The following OR56A3 variants were observed in gnomAD, a reference collection of about 807,000 sequenced individuals.
The protein encoded by OR56A3 is olfactory receptor 56A3.
OR56A3 carries 23 observed loss-of-function variants against 17.5 expected under a neutral mutation model. The ratio of observed to expected loss-of-function variants is 1.32; its 90% CI spans 0.95 to 1.87. The LOEUF (loss-of-function observed/expected upper bound fraction) is 1.87. OR56A3 is among the 40% of genes most tolerant of loss of function. The pLI, the probability that OR56A3 is intolerant of heterozygous loss-of-function variation, is 0.00. For missense variants in OR56A3, 366 were observed against 380.1 expected (o/e 0.96, Z 0.31); for synonymous variants, 175 against 150.6 (o/e 1.16, Z -1.19).
At chr11:6,002,443 T>A in the OR56A3 span, 2 of 1,614,250 alleles carry the variant, frequency 1.2e-6, no homozygotes, top group Non-Finnish European at 1.7e-6. Flanking sequence ...ACAGACAGGT[T>A]ACTGCAGATG....
At chr11:5,969,541 C>A in the OR56A3 span, among the ~76,000 whole-genome samples, 1 of 152,278 alleles carries the variant, frequency 6.6e-6, no homozygotes, top group East Asian at 1.9e-4. Context: ...CAATTTGATT[C>A]CATTCACCTT....
chr11:6,002,054 C>T, the OR56A3 span: 1 of 1,566,932 alleles, frequency 6.4e-7, no homozygotes, highest in Admixed American at 1.9e-5. Flanking sequence ...TTTATTCTTA[C>T]AACCTCTTCA....
At chr11:6,017,304 T>G in the OR56A3 span, among the ~76,000 whole-genome samples, 2 of 152,030 alleles carry the variant, frequency 1.3e-5, no homozygotes, top group African/African-American at 2.4e-5. Flanking sequence ...TATCTAGATA[T>G]AGGAAGCTCA....
chr11:6,004,365 A>G, the OR56A3 span, among the ~76,000 whole-genome samples: 1 of 152,112 alleles, frequency 6.6e-6, no homozygotes, highest in East Asian at 1.9e-4. Context: ...AAAAAAAAGA[A>G]AAAAGAGAGG....
At position 5,948,903 on chromosome 11, in the gene OR56A3, G is replaced by A. The variant is rs1324257806; in HGVS notation, c.*609G>A. 1.3e-5 allele frequency: 2 copies of A among 152,794 alleles called. No homozygotes were observed. Among genetic ancestry groups the A allele is most frequent in the Non-Finnish European group, 2.9e-5 (2 of 68,534 alleles). 9.5% of individuals were successfully genotyped at this position (152,794 alleles called of 1,614,324 possible). ...TTTTTGTAATGTGCATTGCAAGAGG[G>A]CAAGGGTTTTGCCTTGATTCCTCAT... On this transcript the variant is annotated 3_prime_UTR_variant, in exon 3 of 3. Transcript: ENST00000641160.
chr11:6,012,438 G>C, the OR56A3 span, among the ~76,000 whole-genome samples: 180 of 152,286 alleles, frequency 1.2e-3, no homozygotes, highest in Non-Finnish European at 2.2e-3. Flanking sequence ...AGAGGGGGTA[G>C]CTCCTCAGCT....
the OR56A3 span, among the ~76,000 whole-genome samples, chr11:5,984,016 C>T: frequency 1.3e-5 from 2 of 152,292 alleles, no homozygotes; most frequent in East Asian, 3.9e-4. Flanking sequence ...TTTGCGATGT[C>T]TTTCAGATGG....
chr11:6,003,626 G>A, the OR56A3 span, among the ~76,000 whole-genome samples: 2 of 152,104 alleles, frequency 1.3e-5, no homozygotes, highest in Admixed American at 1.3e-4. Flanking sequence ...GGAAACTAGA[G>A]TACCTAGAAA....
chr11:5,976,406 C>G, the OR56A3 span, among the ~76,000 whole-genome samples: 54 of 152,248 alleles, frequency 3.5e-4, no homozygotes, highest in African/African-American at 1.3e-3. Context: ...AGTCACAATT[C>G]TTTCCTTACG....
the OR56A3 span, among the ~76,000 whole-genome samples, chr11:5,991,949 G>C: frequency 1.3e-5 from 2 of 152,198 alleles, no homozygotes; most frequent in Non-Finnish European, 2.9e-5. Context: ...ACAGCCCACA[G>C]GGGTAGGTGA....
chr11:6,014,988 G>GAAAAAAAAA, the OR56A3 span, among the ~76,000 whole-genome samples: 1 of 7,118 alleles, frequency 1.4e-4, no homozygotes, highest in African/African-American at 5.0e-4. Flanking sequence ...ATATTCATGG[G>GAAAAAAAAA]CAAAAAAAAA....
the OR56A3 span, chr11:5,968,169 C>G: frequency 1.2e-6 from 2 of 1,614,222 alleles, no homozygotes; most frequent in Non-Finnish European, 1.7e-6. Flanking sequence ...AGTCAGAAAA[C>G]TGTTCATGAT....
chr11:6,002,904 A>C, the OR56A3 span: 59 of 1,613,984 alleles, frequency 3.7e-5, no homozygotes, highest in South Asian at 5.2e-4. Context: ...GGGCAGAGAC[A>C]ACCAGTGCTG....
chr11:5,965,758 A>G, the OR56A3 span, among the ~76,000 whole-genome samples: 12,420 of 152,206 alleles, frequency 0.082, 971 homozygotes, highest in African/African-American at 0.21. Flanking sequence ...AGAAGGTCAG[A>G]TTAATTCCAT....
chr11:5,950,464 G>C lies in OR56A3; in HGVS notation c.*2170G>C, dbSNP rs61526422. The C allele has an allele frequency of 6.6e-6, 1 of 151,902 alleles. No individual in the cohort carries two copies. Among genetic ancestry groups the C allele is most frequent in the African/African-American group, 2.4e-5 (1 of 41,370 alleles). 9.4% of individuals were successfully genotyped at this position (151,902 alleles called of 1,614,324 possible). On this transcript the variant is annotated 3_prime_UTR_variant, in exon 3 of 3. Transcript: ENST00000641160. Reference sequence around the variant, plus strand: ...TTATAAACAATGTCAAAACAATATCGGCATATATTTATTTGAAAAACAAGG... The same window carrying C: ...TTATAAACAATGTCAAAACAATATCCGCATATATTTATTTGAAAAACAAGG...
the OR56A3 span, among the ~76,000 whole-genome samples, chr11:5,973,212 A>G: frequency 6.6e-6 from 1 of 152,198 alleles, no homozygotes; most frequent in Non-Finnish European, 1.5e-5. Flanking sequence ...GATTAGTCAC[A>G]GGGATAAGAG....
At chr11:5,992,202 G>T in the OR56A3 span, among the ~76,000 whole-genome samples, 1 of 152,188 alleles carries the variant, frequency 6.6e-6, no homozygotes, top group Non-Finnish European at 1.5e-5. Context: ...TCTTTCAGAT[G>T]CTAGGAGTGT....
chr11:5,994,991 C>T, the OR56A3 span: 1 of 682,632 alleles, frequency 1.5e-6, no homozygotes, highest in Non-Finnish European at 2.7e-6. Flanking sequence ...GGACCCCAAG[C>T]CACCTGGAAG....
At chr11:5,993,338 A>G in the OR56A3 span, among the ~76,000 whole-genome samples, 1 of 152,190 alleles carries the variant, frequency 6.6e-6, no homozygotes, top group African/African-American at 2.4e-5. Context: ...ATGGATGAGA[A>G]GAAGTCAAGC....
Sources: gnomAD v4.1 joint callset for allele counts (sites outside exome capture counted in the v4.1 genomes callset) on GRCh38, gnomAD v4.1.1 for gene constraint, MANE v1.5 for transcripts, NCBI Gene and HGNC (gene_info 2026-07-23, HGNC 2026-07-21) for gene names.